The following NR2F1-AS1 variants were observed in gnomAD, a reference collection of about 807,000 sequenced individuals.
The protein encoded by NR2F1-AS1 is NR2F1 regulatory antisense RNA 1, also known as NR2F1 antisense RNA 1.
At chr5:93,470,794 C>T (rs1245090975) in intron 4 of NR2F1-AS1, among the ~76,000 whole-genome samples, 2 of 151,768 alleles carry the variant, frequency 1.3e-5, no homozygotes, top group Admixed American at 1.3e-4. Context: ...TTTACTATTT[C>T]TGATTTTACT....
chr5:93,494,318 T>C (rs1204857075), intron 4 of NR2F1-AS1, among the ~76,000 whole-genome samples: 1 of 152,120 alleles, frequency 6.6e-6, no homozygotes, highest in Non-Finnish European at 1.5e-5. Context: ...TTAGGATACC[T>C]TTAATCAAAA....
intron 4 of NR2F1-AS1, among the ~76,000 whole-genome samples, chr5:93,433,385 C>G (rs1749366317): frequency 6.6e-6 from 1 of 152,104 alleles, no homozygotes; most frequent in Non-Finnish European, 1.5e-5. Context: ...CTGTTCTTCT[C>G]AAAGTACTAC....
At chr5:93,514,216 A>C (rs1751357710) in intron 4 of NR2F1-AS1, among the ~76,000 whole-genome samples, 1 of 152,100 alleles carries the variant, frequency 6.6e-6, no homozygotes, top group African/African-American at 2.4e-5. Flanking sequence ...AAGAGAAAAA[A>C]ATTTTTCAAT....
chr5:93,568,694 T>C (rs1194522984), intron 1 of NR2F1-AS1, among the ~76,000 whole-genome samples: 1 of 152,158 alleles, frequency 6.6e-6, no homozygotes, highest in Admixed American at 6.5e-5. Context: ...CGTGGCCATA[T>C]GATCACAATT....
chr5:93,462,790 C>A (rs765297432), intron 4 of NR2F1-AS1, among the ~76,000 whole-genome samples: 3 of 152,114 alleles, frequency 2.0e-5, no homozygotes, highest in African/African-American at 4.8e-5. Flanking sequence ...TTAGCCACTG[C>A]CACCAGATTT....
chr5:93,515,730 AT>A (rs1420954069), intron 4 of NR2F1-AS1, among the ~76,000 whole-genome samples: 1 of 151,886 alleles, frequency 6.6e-6, no homozygotes, highest in Non-Finnish European at 1.5e-5. Flanking sequence ...TGCAGTATAA[AT>A]TGGGCCTTAA....
chr5:93,429,309 A>T (rs1024664641), intron 4 of NR2F1-AS1, among the ~76,000 whole-genome samples: 3 of 152,180 alleles, frequency 2.0e-5, no homozygotes, highest in African/African-American at 7.2e-5. Flanking sequence ...CTTGCAAGGG[A>T]TGACTTTACA....
At chr5:93,438,715 T>C in intron 4 of NR2F1-AS1, 1 of 152,234 alleles carries the variant, frequency 6.6e-6, no homozygotes, top group Non-Finnish European at 1.5e-5. Flanking sequence ...AGAATGTTTC[T>C]TGGAATTCCA....
chr5:93,499,452 G>T (rs1332641305), intron 4 of NR2F1-AS1, among the ~76,000 whole-genome samples: 2 of 152,112 alleles, frequency 1.3e-5, no homozygotes, highest in African/African-American at 4.8e-5. Flanking sequence ...CATTATTACT[G>T]TATCTGGTAT....
At chr5:93,581,729 T>TCC (rs1753054405), upstream of NR2F1-AS1, among the ~76,000 whole-genome samples, 6 of 35,540 alleles carry the variant, frequency 1.7e-4, 1 homozygote, top group African/African-American at 8.2e-4. Context: ...TCTCTCTCTC[T>TCC]CTCTCCCCCT....
At chr5:93,526,576 A>C (rs1403455917) in intron 4 of NR2F1-AS1, among the ~76,000 whole-genome samples, 1 of 152,198 alleles carries the variant, frequency 6.6e-6, no homozygotes, top group African/African-American at 2.4e-5. Context: ...TCCCTGATGA[A>C]CATCGATGCA....
intron 4 of NR2F1-AS1, chr5:93,543,240 A>G (rs924390702): frequency 9.2e-5 from 14 of 152,394 alleles, no homozygotes; most frequent in African/African-American, 3.4e-4. Flanking sequence ...ACAAAGCAAC[A>G]TGGGCAAAAA....
chr5:93,468,738 T>C (rs2149868763), intron 4 of NR2F1-AS1, among the ~76,000 whole-genome samples: 1 of 152,314 alleles, frequency 6.6e-6, no homozygotes, highest in South Asian at 2.1e-4. Flanking sequence ...ATGTCCTGAA[T>C]GGTATTGCCT....
rs545321314 is a variant in NR2F1-AS1 at position 93,456,785 on chromosome 5, C to A, written n.639-61243G>T. ...TTATTCATTAGTATCTCTACCATATCGGAGAGGGGGACAACAGGGAGACAA... is the reference window on the plus strand; with the variant it reads ...TTATTCATTAGTATCTCTACCATATAGGAGAGGGGGACAACAGGGAGACAA... On this transcript the variant is annotated intron_variant and non_coding_transcript_variant, in intron 4 of 5. Transcript: ENST00000660523. Among the ~76,000 whole-genome samples, 3 of 151,920 alleles carry A rather than the reference C, an allele frequency of 2.0e-5. No individual in the cohort carries two copies. The East Asian group carries it at 5.8e-4, about 29-fold the overall frequency.
chr5:93,544,960 CT>C (rs2149908287), intron 4 of NR2F1-AS1: 1 of 149,774 alleles, frequency 6.7e-6, no homozygotes, highest in East Asian at 2.0e-4. Flanking sequence ...GTAGGTACGT[CT>C]AATCTAATAA....
intron 4 of NR2F1-AS1, among the ~76,000 whole-genome samples, chr5:93,515,591 A>G (rs1433740504): frequency 2.0e-5 from 3 of 151,918 alleles, no homozygotes; most frequent in Non-Finnish European, 4.4e-5. Flanking sequence ...TTTTACATTT[A>G]CTTTATCCTC....
chr5:93,490,929 ATGGTGGTGGTGGGAGTGGTGGTGGTGG>A (rs1750828259), intron 4 of NR2F1-AS1, among the ~76,000 whole-genome samples: 1 of 90,300 alleles, frequency 1.1e-5, no homozygotes, highest in Non-Finnish European at 2.3e-5. Context: ...AGTGGTGGTG[ATGGTGGTGGTGGGAGTGGTGGTGGTGG>A]TGGTGGTTGT....
At chr5:93,494,290 G>A (rs1580275118) in intron 4 of NR2F1-AS1, among the ~76,000 whole-genome samples, 1 of 152,086 alleles carries the variant, frequency 6.6e-6, no homozygotes, top group East Asian at 1.9e-4. Context: ...TGCAGAATGA[G>A]ATGCCATTTC....
At chr5:93,543,659 C>T (rs1346075615) in intron 4 of NR2F1-AS1, 1 of 152,104 alleles carries the variant, frequency 6.6e-6, no homozygotes, top group African/African-American at 2.4e-5. Flanking sequence ...TTTGTGGAAG[C>T]AAACTCATAT....
Sources: allele counts gnomAD v4.1 joint callset (sites outside exome capture counted in the v4.1 genomes callset), GRCh38; gene constraint gnomAD v4.1.1; transcripts MANE v1.5; gene names NCBI Gene and HGNC (gene_info 2026-07-23, HGNC 2026-07-21).